RAPGEF4: variants seen among roughly 807,000 people sequenced by gnomAD.
RAPGEF4 encodes Rap guanine nucleotide exchange factor 4.
In RAPGEF4, 66 loss-of-function variants were observed where a neutral mutation model predicts 147.9. That is an observed-to-expected ratio of 0.45 (90% confidence interval 0.37 to 0.55). RAPGEF4 has a LOEUF of 0.55. Ranked by LOEUF, RAPGEF4 falls within the 20% of genes least tolerant of loss-of-function variation. The pLI, the probability that RAPGEF4 is intolerant of heterozygous loss-of-function variation, is 0.00. For missense variants in RAPGEF4, 1,071 were observed against 1,257.3 expected (o/e 0.85, Z 2.24); for synonymous variants, 419 against 442.7 (o/e 0.95, Z 0.67).
Position 172,980,179 on chromosome 2 carries a change from G to A in RAPGEF4, c.1005-3317G>A, listed in dbSNP as rs183679489. Among the ~76,000 whole-genome samples, 419 of 152,346 alleles carry A rather than the reference G, an allele frequency of 2.8e-3. 1 individual carries two copies. The highest frequency in any genetic ancestry group is 6.8e-3 in the Middle Eastern group (2 of 294). On this transcript the variant is annotated intron_variant, in intron 10 of 30. Coordinates refer to ENST00000397081, the MANE Select transcript of RAPGEF4 (RefSeq NM_007023.4). ...CTGGAGAGAGAGTGTAGCTATCAGG[G>A]AAGATGTGAAGAGAGGGGAGATAGA...
intron 6 of RAPGEF4, among the ~76,000 whole-genome samples, chr2:172,960,379 T>C (rs1339132213): frequency 6.6e-6 from 1 of 152,218 alleles, no homozygotes; most frequent in Non-Finnish European, 1.5e-5. Flanking sequence ...AATACTTTCT[T>C]CCCACCCCTG....
At chr2:173,020,349 G>A (rs909363346) in intron 22 of RAPGEF4, among the ~76,000 whole-genome samples, 4 of 152,156 alleles carry the variant, frequency 2.6e-5, no homozygotes, top group Non-Finnish European at 5.9e-5. Context: ...TATGTGCTCA[G>A]TAATTATGGT....
intron 1 of RAPGEF4, among the ~76,000 whole-genome samples, chr2:172,764,359 G>A (rs1194353220): frequency 6.6e-6 from 1 of 152,148 alleles, no homozygotes; most frequent in African/African-American, 2.4e-5. Context: ...CACAAAGTAG[G>A]TGCCAGGTAA....
chr2:172,767,870 T>A (rs1696994974), intron 1 of RAPGEF4, among the ~76,000 whole-genome samples: 1 of 152,098 alleles, frequency 6.6e-6, no homozygotes, highest in African/African-American at 2.4e-5. Context: ...TGAGACACAG[T>A]CTCCCCATGT....
chr2:172,974,752 G>A (rs1273857925), intron 10 of RAPGEF4, among the ~76,000 whole-genome samples: 1 of 152,140 alleles, frequency 6.6e-6, no homozygotes, highest in Admixed American at 6.5e-5. Flanking sequence ...CCAGAATGGA[G>A]TTCACCATCT....
At chr2:172,906,610 T>C (rs903309544) in intron 4 of RAPGEF4, among the ~76,000 whole-genome samples, 16 of 152,186 alleles carry the variant, frequency 1.1e-4, no homozygotes, top group Admixed American at 1.0e-3. Flanking sequence ...TCAGGCAGCA[T>C]CTGGGTGGGA....
chr2:172,747,775 A>C (rs67820045), intron 1 of RAPGEF4, among the ~76,000 whole-genome samples: 16,825 of 152,146 alleles, frequency 0.11, 1,089 homozygotes, highest in African/African-American at 0.18. Context: ...GAATTTATTT[A>C]TCTCTCATAA....
chr2:173,017,179 A>G lies in RAPGEF4; in HGVS notation c.1904A>G (p.Glu635Gly), dbSNP rs779136544. ...GCTTTCTCTACTTCTCGTAGCTCAG[A>G]AGATGCAAAGGCACCACAAAAGAAG... ...ELEKIVKQIS[E>G]DAKAPQKKHK... Residue 635 changes from glutamate to glycine, a missense_variant, in exon 20 of 31, where the codon GAA (glutamate) becomes GGA (glycine). Physicochemically the swap from Glu to Gly is moderately conservative, Grantham distance 98. Transcript: ENST00000397081. The G allele has an allele frequency of 6.2e-7, 1 of 1,613,634 alleles. No individual in the cohort carries two copies. The highest frequency in any genetic ancestry group is 2.2e-5 in the East Asian group (1 of 44,888).
chr2:173,020,685 T>C lies in RAPGEF4; in HGVS notation c.2223T>C (p.Phe741=). ...CGCTCACCATTAATGGACGCCTGTT[T>C]GCTTGCCCGCGAGAGCAATTCGATT... The part of the protein sequence containing the change: ...FTTLTINGRL[F]ACPREQFDSL... Residue 741 remains phenylalanine (F), a synonymous_variant, in exon 23 of 31, where the codon TTT becomes TTC. Transcript: ENST00000397081. The C allele has an allele frequency of 6.2e-7, 1 of 1,614,062 alleles. No individual in the cohort carries two copies. The highest frequency in any genetic ancestry group is 8.5e-7 in the Non-Finnish European group (1 of 1,179,956).
Position 173,026,931 on chromosome 2 carries a change from T to TTA in RAPGEF4, c.2380-144_2380-143dup, listed in dbSNP as rs1410842439. 5 of 831,800 alleles carry TTA rather than the reference T, an allele frequency of 6.0e-6. No individual in the cohort carries two copies. The African/African-American group carries it at 8.7e-5, about 15-fold the overall frequency. The allele number at this position is 831,800 out of a possible 1,614,324, so 51.5% of individuals were successfully genotyped here. The stretch of plus-strand genomic sequence containing the variant: ...TAAGCCAGTAAAACCTAGTTTATAT[T>TTA]TATATATTTAACAAACCTCATGGAA... On this transcript the variant is annotated intron_variant, in intron 24 of 30. Coordinates refer to ENST00000397081, the MANE Select transcript of RAPGEF4 (RefSeq NM_007023.4).
At position 172,973,187 on chromosome 2, in the gene RAPGEF4, A is replaced by G. The variant is rs752608920; in HGVS notation, c.1004+5743A>G. The stretch of plus-strand genomic sequence containing the variant: ...GAGTGCAGTGGGGTGATCTCAGTTC[A>G]CTGCAATCTCCACCTCCTGAGCTCA... On this transcript the variant is annotated intron_variant, in intron 10 of 30. Coordinates refer to ENST00000397081, the MANE Select transcript of RAPGEF4 (RefSeq NM_007023.4). Among the ~76,000 whole-genome samples, 9 of 146,086 alleles carry G rather than the reference A, an allele frequency of 6.2e-5. 1 individual carries two copies. Among genetic ancestry groups the G allele is most frequent in the Non-Finnish European group, 1.3e-4 (9 of 67,314 alleles).
Position 172,988,844 on chromosome 2 carries a change from G to A in RAPGEF4, c.1374+5G>A. 1 of 1,612,880 alleles carries A rather than the reference G, an allele frequency of 6.2e-7. No homozygotes were observed. Among genetic ancestry groups the A allele is most frequent in the East Asian group, 2.2e-5 (1 of 44,878 alleles). ...GATTTCAACCGGATCCTAAGGGTGA[G>A]TCCAAAGCAAAGTGTGGCTGAGAGA... On this transcript the variant is annotated splice_donor_5th_base_variant and intron_variant, in intron 14 of 30. Transcript: ENST00000397081.
chr2:172,989,624 G>A (rs1220822926), intron 14 of RAPGEF4, among the ~76,000 whole-genome samples: 1 of 152,122 alleles, frequency 6.6e-6, no homozygotes, highest in Admixed American at 6.5e-5. Context: ...CTCTGCTTTG[G>A]CTGCTTGAGG....
intron 4 of RAPGEF4, among the ~76,000 whole-genome samples, chr2:172,885,073 A>G (rs974932483): frequency 2.0e-5 from 3 of 152,174 alleles, no homozygotes; most frequent in Admixed American, 6.5e-5. Context: ...GTTTTCTTCA[A>G]TGCTGGGGGA....
chr2:173,022,720 T>C (rs1342499783), intron 23 of RAPGEF4, among the ~76,000 whole-genome samples: 1 of 152,230 alleles, frequency 6.6e-6, no homozygotes, highest in Non-Finnish European at 1.5e-5. Flanking sequence ...ACAAGCAGCC[T>C]GGAATAGAAC....
At chr2:172,992,368 G>A (rs567880670) in intron 15 of RAPGEF4, among the ~76,000 whole-genome samples, 1 of 152,296 alleles carries the variant, frequency 6.6e-6, no homozygotes, top group South Asian at 2.1e-4. Flanking sequence ...TAATGTGAAG[G>A]TTGGGACTGC....
At chr2:172,995,572 G>A (rs1472158353) in intron 15 of RAPGEF4, among the ~76,000 whole-genome samples, 2 of 152,040 alleles carry the variant, frequency 1.3e-5, no homozygotes, top group Non-Finnish European at 2.9e-5. Context: ...GAGCCACTGC[G>A]CCTGGCCCCT....
At chr2:172,796,917 C>A (rs1686432229) in intron 2 of RAPGEF4, among the ~76,000 whole-genome samples, 1 of 152,026 alleles carries the variant, frequency 6.6e-6, no homozygotes, top group African/African-American at 2.4e-5. Context: ...AATTACTTTC[C>A]CAAACTTGGT....
chr2:172,879,870 T>G (rs898934930), intron 4 of RAPGEF4, among the ~76,000 whole-genome samples: 3 of 152,188 alleles, frequency 2.0e-5, no homozygotes, highest in African/African-American at 4.8e-5. Flanking sequence ...CTTAGCTTTC[T>G]GGGAAAAGTA....
Sources: allele counts gnomAD v4.1 joint callset (sites outside exome capture counted in the v4.1 genomes callset), GRCh38; gene constraint gnomAD v4.1.1; transcripts MANE v1.5; gene names NCBI Gene and HGNC (gene_info 2026-07-23, HGNC 2026-07-21).